ASAP1: variants seen among roughly 807,000 people sequenced by gnomAD.
ASAP1 encodes ArfGAP with SH3 domain, ankyrin repeat and PH domain 1, also known as arf-GAP with SH3 domain, ANK repeat and PH domain-containing protein 1.
Under a neutral mutation model 145.2 loss-of-function variants are expected in ASAP1, and 43 were observed. The ratio of observed to expected loss-of-function variants is 0.30; its 90% CI spans 0.23 to 0.38. The LOEUF (loss-of-function observed/expected upper bound fraction) is 0.38, where lower values mean the gene tolerates loss of function less well. ASAP1 is among the 10% of genes least tolerant of loss of function. The pLI, the probability that ASAP1 is intolerant of heterozygous loss-of-function variation, is 1.00. For synonymous variants in ASAP1, 546 were observed against 515.5 expected (o/e 1.06, Z -0.80); for missense variants, 1,018 against 1,355.3 (o/e 0.75, Z 3.91).
chr8:130,155,728 C>G (rs549954542), intron 12 of ASAP1, among the ~76,000 whole-genome samples: 123 of 152,326 alleles, frequency 8.1e-4, no homozygotes, highest in African/African-American at 2.8e-3. Context: ...TGATCTCCCC[C>G]ACTCTCTGTA....
In ASAP1 at chr8:130,354,476, T is replaced by C. The variant is rs554304077; in HGVS notation, c.186+3541A>G. On this transcript the variant is annotated intron_variant, in intron 3 of 29. Transcript: ENST00000518721. ...TAACCAAGTAGACTTCCATTTATCA[T>C]GTTGGACTCTCTCTCTGACAAAGGT... is the stretch of plus-strand genomic sequence containing the variant. Among the ~76,000 whole-genome samples, 8 of 152,334 alleles carry C rather than the reference T, an allele frequency of 5.3e-5. No individual in the cohort carries two copies. In the South Asian group the frequency reaches 1.4e-3, roughly 28 times the overall value.
intron 13 of ASAP1, among the ~76,000 whole-genome samples, chr8:130,144,428 G>A (rs1348835736): frequency 3.9e-5 from 6 of 152,182 alleles, no homozygotes; most frequent in African/African-American, 1.4e-4. Context: ...GATCAGGAAG[G>A]TGAAGTAAAC....
chr8:130,311,013 T>C (rs1157837602), intron 3 of ASAP1, among the ~76,000 whole-genome samples: 5 of 152,206 alleles, frequency 3.3e-5, no homozygotes, highest in Non-Finnish European at 7.3e-5. Context: ...TGAAGGAGGC[T>C]TTATTTGTTA....
At chr8:130,357,621 T>C (rs1406640979) in intron 3 of ASAP1, among the ~76,000 whole-genome samples, 1 of 152,310 alleles carries the variant, frequency 6.6e-6, no homozygotes, top group East Asian at 1.9e-4. Context: ...CCTAGTCCCT[T>C]GCTGGTGACC....
intron 2 of ASAP1, among the ~76,000 whole-genome samples, chr8:130,381,485 A>C (rs766329127): frequency 2.6e-5 from 4 of 152,230 alleles, no homozygotes; most frequent in Non-Finnish European, 5.9e-5. Flanking sequence ...CAGACTAGCC[A>C]TATTTTAAGT....
intron 25 of ASAP1, 40 bp from the exon 26 acceptor site, chr8:130,080,011 T>C: frequency 6.4e-7 from 1 of 1,558,432 alleles, no homozygotes; most frequent in South Asian, 1.1e-5. Flanking sequence ...TGTCTTTAGA[T>C]GGGGAAATGC....
chr8:130,167,556 G>A lies in ASAP1; in HGVS notation c.889C>T (p.Leu297Phe). The change falls in exon 11 of 30, where the codon CTT becomes TTT. Residue 297 changes from leucine (L) to phenylalanine (F), a missense_variant. Physicochemically the swap from Leu to Phe is conservative, Grantham distance 22. This residue lies in a region of ASAP1 where 62 missense variants were observed against 68.5 expected (regional missense o/e 0.90). Transcript: ENST00000518721. Reference sequence around the variant, plus strand: ...CTTACTTCTTTCTGATCCAGTTGAAGAGAGGATTTTATTAAGTCTCGGAGT... The same window carrying A: ...CTTACTTCTTTCTGATCCAGTTGAAAAGAGGATTTTATTAAGTCTCGGAGT... ...TALRDLIKSS[L>F]QLDQKEDSQS... The A allele has an allele frequency of 6.2e-7, 1 of 1,613,780 alleles. No individual in the cohort carries two copies. The highest frequency in any genetic ancestry group is 8.5e-7 in the Non-Finnish European group (1 of 1,179,738).
intron 5 of ASAP1, among the ~76,000 whole-genome samples, chr8:130,206,830 C>T (rs1316815330): frequency 6.6e-6 from 1 of 151,868 alleles, no homozygotes; most frequent in Non-Finnish European, 1.5e-5. Flanking sequence ...TATTCCTTTC[C>T]TGACCCATTT....
At chr8:130,117,633 C>T (rs956192843) in intron 20 of ASAP1, among the ~76,000 whole-genome samples, 1 of 152,204 alleles carries the variant, frequency 6.6e-6, no homozygotes, top group African/African-American at 2.4e-5. Context: ...CTTATACTTC[C>T]ATCAGTATAT....
At chr8:130,243,886 T>C (rs1418152886) in intron 3 of ASAP1, among the ~76,000 whole-genome samples, 1 of 152,208 alleles carries the variant, frequency 6.6e-6, no homozygotes, top group Admixed American at 6.5e-5. Context: ...CCTGCGTTTA[T>C]GATCTGTCCC....
chr8:130,407,434 C>T (rs1366210255), intron 1 of ASAP1, among the ~76,000 whole-genome samples: 1 of 152,210 alleles, frequency 6.6e-6, no homozygotes, highest in Non-Finnish European at 1.5e-5. Flanking sequence ...GCAGTGCCTT[C>T]CGGGGAGCAC....
rs561144628 is a variant in ASAP1 at position 130,313,997 on chromosome 8, C to T, written c.186+44020G>A. Among the ~76,000 whole-genome samples the T allele has an allele frequency of 2.6e-5, 4 of 152,260 alleles. No individual in the cohort carries two copies. The East Asian group carries it at 7.7e-4, about 29-fold the overall frequency. On this transcript the variant is annotated intron_variant, in intron 3 of 29. Coordinates refer to ENST00000518721, the MANE Select transcript of ASAP1 (RefSeq NM_018482.4). ...TCCACCCCTAGGCTGGCAAGCAGCCCACCAATCACTCAGTGTGACAGGAAG... is the reference window on the plus strand; with the variant it reads ...TCCACCCCTAGGCTGGCAAGCAGCCTACCAATCACTCAGTGTGACAGGAAG...
intron 3 of ASAP1, among the ~76,000 whole-genome samples, chr8:130,326,924 T>C (rs190028018): frequency 1.3e-5 from 2 of 152,322 alleles, no homozygotes; most frequent in East Asian, 1.9e-4. Context: ...TTTCAGATTC[T>C]GGCACACCAG....
intron 13 of ASAP1, among the ~76,000 whole-genome samples, chr8:130,150,004 G>A (rs896767732): frequency 1.3e-5 from 2 of 152,198 alleles, no homozygotes; most frequent in Non-Finnish European, 1.5e-5. Context: ...GGGTTTGCTT[G>A]TCAACAGATT....
chr8:130,263,206 T>C (rs1054818540), intron 3 of ASAP1, among the ~76,000 whole-genome samples: 27 of 152,152 alleles, frequency 1.8e-4, no homozygotes, highest in African/African-American at 6.3e-4. Context: ...AGGGCCACAC[T>C]TTTCTCCTAG....
chr8:130,174,451 G>A (rs1813813201), intron 9 of ASAP1, among the ~76,000 whole-genome samples: 1 of 144,080 alleles, frequency 6.9e-6, no homozygotes, highest in South Asian at 2.2e-4. Context: ...TCAAAAACCA[G>A]TAACAGTAAC....
chr8:130,386,811 C>A (rs1386511320), intron 2 of ASAP1: 1 of 152,222 alleles, frequency 6.6e-6, no homozygotes, highest in African/African-American at 2.4e-5. Context: ...TAAACCTCCA[C>A]TTTTAGGTTC....
intron 4 of ASAP1, among the ~76,000 whole-genome samples, chr8:130,229,959 G>A (rs972666937): frequency 1.3e-5 from 2 of 152,040 alleles, no homozygotes; most frequent in African/African-American, 4.8e-5. Flanking sequence ...CTGCTACTCG[G>A]GAGGCTGAGG....
intron 3 of ASAP1, among the ~76,000 whole-genome samples, chr8:130,331,830 C>A (rs1565215904): frequency 6.6e-6 from 1 of 152,052 alleles, no homozygotes; most frequent in Non-Finnish European, 1.5e-5. Flanking sequence ...ACACAATGCA[C>A]ATCAAGTGGG....
Sources: gnomAD v4.1 joint callset for allele counts (sites outside exome capture counted in the v4.1 genomes callset) on GRCh38, gnomAD v4.1.1 for gene constraint, gnomAD v4.1.1 regional missense constraint, MANE v1.5 for transcripts, NCBI Gene and HGNC (gene_info 2026-07-23, HGNC 2026-07-21) for gene names.